Variants in AFF1 observed in about 807,000 individuals in gnomAD.
AFF1 encodes the protein ALF transcription elongation factor 1.
In AFF1, 48 loss-of-function variants were observed where a neutral mutation model predicts 121.7. The ratio of observed to expected loss-of-function variants is 0.39; its 90% CI spans 0.31 to 0.50. The LOEUF (loss-of-function observed/expected upper bound fraction) is 0.50. Among genes scored for constraint, AFF1 ranks in the 20% least tolerant of loss-of-function variants. The pLI is 0.76. For missense variants in AFF1, 1,523 were observed against 1,511.7 expected, an observed-to-expected ratio of 1.01 and a Z score of -0.12; for synonymous variants, 613 against 563.0, an observed-to-expected ratio of 1.09 and a Z score of -1.26.
chr4:87,002,508 T>G (rs1449379979), intron 2 of AFF1, among the ~76,000 whole-genome samples: 2 of 140,874 alleles, frequency 1.4e-5, no homozygotes, highest in Non-Finnish European at 3.0e-5. Flanking sequence ...CTCGGCTCAC[T>G]GCAGTCTCTG....
chr4:87,088,858 A>G (rs1051924380), intron 5 of AFF1, among the ~76,000 whole-genome samples: 4 of 152,028 alleles, frequency 2.6e-5, no homozygotes, highest in African/African-American at 9.6e-5. Flanking sequence ...GCTCACTGCA[A>G]CCTCAGCCTC....
intron 2 of AFF1, among the ~76,000 whole-genome samples, chr4:87,036,477 T>G (rs1729573075): frequency 6.6e-6 from 1 of 152,174 alleles, no homozygotes; most frequent in Admixed American, 6.6e-5. Flanking sequence ...TAGTTTTTTA[T>G]TTTTAAAATA....
At chr4:87,105,730 T>C in intron 9 of AFF1, 48 bp downstream of exon 9, 7 of 1,613,616 alleles carry the variant, frequency 4.3e-6, no homozygotes, top group Non-Finnish European at 5.9e-6. Context: ...TAAATACATC[T>C]AACAGATCTG....
At chr4:86,995,303 TCC>T (rs1725048478) in intron 2 of AFF1, among the ~76,000 whole-genome samples, 1 of 14,530 alleles carries the variant, frequency 6.9e-5, no homozygotes, top group Non-Finnish European at 1.8e-4. Context: ...TCTCCCTCCC[TCC>T]CCCTCTCCCC....
At chr4:87,033,987 T>C (rs533543203) in intron 2 of AFF1, among the ~76,000 whole-genome samples, 2 of 152,258 alleles carry the variant, frequency 1.3e-5, no homozygotes, top group Admixed American at 1.3e-4. Flanking sequence ...GCCACATGCA[T>C]TCTTCCTTGG....
intron 12 of AFF1, among the ~76,000 whole-genome samples, chr4:87,123,576 C>T (rs1188960322): frequency 2.0e-5 from 3 of 152,212 alleles, no homozygotes; most frequent in African/African-American, 7.2e-5. Context: ...AAACAAGACA[C>T]TGCATAAATG....
chr4:87,115,015 A>G lies in AFF1; in HGVS notation c.2182A>G (p.Thr728Ala), dbSNP rs1560641719. 1.9e-6 allele frequency: 3 copies of G among 1,613,174 alleles called. No individual in the cohort carries two copies. Among genetic ancestry groups the G allele is most frequent in the South Asian group, 1.1e-5 (1 of 91,088 alleles). ...ACCCCACAGTGGCAGCGGCAGCAGG[A>G]CTAGTGGCTGCCGCCAAGCCGTGGT... is the stretch of plus-strand genomic sequence containing the variant. ...GPPHSGSGSR[T>A]SGCRQAVVVQ... is the part of the protein sequence containing the mutation. The change falls in exon 12 of 21, where the codon ACT becomes GCT. Residue 728 changes from threonine to alanine, a missense_variant. Coordinates refer to ENST00000395146, the MANE Select transcript of AFF1 (RefSeq NM_001166693.3).
intron 16 of AFF1, among the ~76,000 whole-genome samples, chr4:87,129,793 G>A (rs996807272): frequency 2.0e-5 from 3 of 152,084 alleles, no homozygotes; most frequent in African/African-American, 7.2e-5. Context: ...TAAAACATGA[G>A]AACAGTATGC....
chr4:87,086,466 C>G (rs1226233475), intron 5 of AFF1, among the ~76,000 whole-genome samples: 3 of 152,118 alleles, frequency 2.0e-5, no homozygotes, highest in African/African-American at 4.8e-5. Context: ...TTGCTTACCT[C>G]GAAATGCTTG....
At chr4:87,067,909 TATCA>T (rs1183602701) in intron 4 of AFF1, among the ~76,000 whole-genome samples, 1 of 152,242 alleles carries the variant, frequency 6.6e-6, no homozygotes, top group African/African-American at 2.4e-5. Context: ...TTTATTTCTC[TATCA>T]GTGTGCTAGA....
chr4:86,975,928 T>A (rs974156486), intron 2 of AFF1, among the ~76,000 whole-genome samples: 1 of 152,162 alleles, frequency 6.6e-6, no homozygotes, highest in African/African-American at 2.4e-5. Context: ...AGGGTCAGGA[T>A]TGGCCTCTTT....
intron 2 of AFF1, among the ~76,000 whole-genome samples, chr4:86,982,002 C>T (rs980926305): frequency 3.9e-5 from 6 of 152,096 alleles, no homozygotes; most frequent in African/African-American, 1.4e-4. Flanking sequence ...CAACAGAGAT[C>T]AAAGCACGGG....
intron 4 of AFF1, among the ~76,000 whole-genome samples, chr4:87,051,429 T>TA (rs60791002): frequency 7.3e-6 from 1 of 137,536 alleles, no homozygotes; most frequent in Non-Finnish European, 1.6e-5. Context: ...TTTTTTTTTT[T>TA]AACGTACTCA....
At chr4:87,086,293 G>A (rs1723726579) in intron 5 of AFF1, among the ~76,000 whole-genome samples, 1 of 152,062 alleles carries the variant, frequency 6.6e-6, no homozygotes. Flanking sequence ...GTTGTCTTCT[G>A]CATATGTCAG....
intron 2 of AFF1, among the ~76,000 whole-genome samples, chr4:87,038,890 A>G (rs900120845): frequency 1.3e-5 from 2 of 152,200 alleles, no homozygotes; most frequent in African/African-American, 4.8e-5. Context: ...CTCGAATTCT[A>G]GAGAGTTGGT....
At chr4:87,018,375 G>A (rs1395569621) in intron 2 of AFF1, among the ~76,000 whole-genome samples, 1 of 152,238 alleles carries the variant, frequency 6.6e-6, no homozygotes, top group Non-Finnish European at 1.5e-5. Flanking sequence ...GGGAATAATA[G>A]GGGGTGGGGA....
At chr4:87,016,444 G>A (rs1381226597) in intron 2 of AFF1, among the ~76,000 whole-genome samples, 1 of 151,736 alleles carries the variant, frequency 6.6e-6, no homozygotes, top group African/African-American at 2.4e-5. Flanking sequence ...CCAGCTACTC[G>A]GGAGACTGAG....
intron 11 of AFF1, among the ~76,000 whole-genome samples, chr4:87,113,037 A>C (rs1269391944): frequency 6.6e-6 from 1 of 152,190 alleles, no homozygotes; most frequent in Non-Finnish European, 1.5e-5. Flanking sequence ...TGGAACTTGG[A>C]GACACAAGAG....
chr4:87,027,940 G>A (rs1003799678), intron 2 of AFF1, among the ~76,000 whole-genome samples: 6 of 151,700 alleles, frequency 4.0e-5, no homozygotes, highest in African/African-American at 1.2e-4. Flanking sequence ...GATTACAGGC[G>A]TGCACCACCA....
Sources: allele counts gnomAD v4.1 joint callset (sites outside exome capture counted in the v4.1 genomes callset), GRCh38; gene constraint gnomAD v4.1.1; transcripts MANE v1.5; gene names NCBI Gene and HGNC (gene_info 2026-07-23, HGNC 2026-07-21).